RIPOR3: variants seen among roughly 807,000 people sequenced by gnomAD.
The protein encoded by RIPOR3 is RIPOR family member 3, also known as family with sequence similarity 65 member C.
RIPOR3 carries 95 observed loss-of-function variants against 114.3 expected under a neutral mutation model. That is an observed-to-expected ratio of 0.83 (90% CI 0.70 to 0.99). The LOEUF (loss-of-function observed/expected upper bound fraction) is 0.99. RIPOR3 is among the 50% of genes least tolerant of loss of function. RIPOR3 has a pLI of 0.00. For synonymous variants in RIPOR3, 575 were observed against 543.8 expected (o/e 1.06, Z -0.80); for missense variants, 1,252 against 1,266.9 (o/e 0.99, Z 0.18).
intron 19 of RIPOR3, chr20:50,590,097 A>G (rs2083062206): frequency 6.7e-6 from 2 of 300,484 alleles, no homozygotes. Flanking sequence ...GCTCAGAACA[A>G]CAGAAGAACT....
At chr20:50,670,533 C>T (rs989970541) in intron 1 of RIPOR3, among the ~76,000 whole-genome samples, 17 of 152,136 alleles carry the variant, frequency 1.1e-4, no homozygotes, top group African/African-American at 4.1e-4. Context: ...AATATCAGAT[C>T]CATTGCAGGA....
chr20:50,685,017 C>A (rs539586779), intron 1 of RIPOR3, among the ~76,000 whole-genome samples: 1 of 152,046 alleles, frequency 6.6e-6, no homozygotes, highest in Non-Finnish European at 1.5e-5. Context: ...TGGTCTCAAG[C>A]GATCCTCCTG....
At chr20:50,690,477 G>A (rs755933639) in intron 1 of RIPOR3, among the ~76,000 whole-genome samples, 2 of 152,142 alleles carry the variant, frequency 1.3e-5, no homozygotes, top group Non-Finnish European at 2.9e-5. Flanking sequence ...GCTTGCCAGT[G>A]TCAGCCTGTC....
At chr20:50,604,861 C>T in intron 11 of RIPOR3, 87 bp from the exon 12 acceptor site, 4 of 1,503,854 alleles carry the variant, frequency 2.7e-6, no homozygotes, top group Non-Finnish European at 3.6e-6. Context: ...TTAGGTTATG[C>T]AGGTAGATGG....
chr20:50,667,326 C>G (rs2123498359), intron 1 of RIPOR3, among the ~76,000 whole-genome samples: 1 of 133,112 alleles, frequency 7.5e-6, no homozygotes, highest in African/African-American at 2.9e-5. Flanking sequence ...GGGAGTCTCG[C>G]TCTGTTACCC....
intron 2 of RIPOR3, among the ~76,000 whole-genome samples, chr20:50,627,237 A>C (rs2084652335): frequency 6.6e-6 from 1 of 151,752 alleles, no homozygotes; most frequent in Admixed American, 6.6e-5. Flanking sequence ...ACAGTGGCTC[A>C]CACCTGTAAT....
chr20:50,643,142 A>T (rs1366155592), intron 1 of RIPOR3, among the ~76,000 whole-genome samples: 11 of 121,478 alleles, frequency 9.1e-5, no homozygotes, highest in Admixed American at 2.5e-4. Context: ...TTTTTTTTTG[A>T]GATGGAGTCT....
At chr20:50,614,161 G>A (rs536903450) in intron 4 of RIPOR3, among the ~76,000 whole-genome samples, 366 of 152,044 alleles carry the variant, frequency 2.4e-3, no homozygotes, top group African/African-American at 8.3e-3. Flanking sequence ...TCAGCCTCCC[G>A]AGTAGCTGGG....
At chr20:50,667,369 C>CTG (rs1397410969) in intron 1 of RIPOR3, among the ~76,000 whole-genome samples, 1 of 141,870 alleles carries the variant, frequency 7.0e-6, no homozygotes, top group Non-Finnish European at 1.5e-5. Flanking sequence ...TCTTGGCTCA[C>CTG]TGCAACCTCC....
At chr20:50,665,574 C>T (rs532815511) in intron 1 of RIPOR3, among the ~76,000 whole-genome samples, 14 of 151,984 alleles carry the variant, frequency 9.2e-5, no homozygotes, top group Non-Finnish European at 1.6e-4. Flanking sequence ...GCACGCACCA[C>T]GACACTGGGC....
chr20:50,671,195 G>T (rs1192808806), intron 1 of RIPOR3, among the ~76,000 whole-genome samples: 1 of 151,998 alleles, frequency 6.6e-6, no homozygotes, highest in African/African-American at 2.4e-5. Flanking sequence ...CACCATGTTG[G>T]CCAGGCTGAT....
chr20:50,630,092 C>T (rs1463876388), intron 2 of RIPOR3, among the ~76,000 whole-genome samples: 1 of 152,088 alleles, frequency 6.6e-6, no homozygotes, highest in Admixed American at 6.6e-5. Context: ...CTCAGCTTTC[C>T]AAGTAGCTGG....
At chr20:50,651,453 T>G (rs1410954317) in intron 1 of RIPOR3, among the ~76,000 whole-genome samples, 1 of 152,166 alleles carries the variant, frequency 6.6e-6, no homozygotes, top group African/African-American at 2.4e-5. Flanking sequence ...CTGGGATCAT[T>G]TGTTACACAG....
intron 6 of RIPOR3, among the ~76,000 whole-genome samples, chr20:50,610,357 G>A (rs1257970197): frequency 6.6e-6 from 1 of 152,110 alleles, no homozygotes; most frequent in Non-Finnish European, 1.5e-5. Context: ...CCTCTGCCTG[G>A]TTTTTCAACA....
At position 50,592,456 on chromosome 20, in the gene RIPOR3, G is replaced by T. The variant is rs1413666615; in HGVS notation, c.2465C>A (p.Pro822His). The T allele has an allele frequency of 6.2e-7, 1 of 1,612,336 alleles. No homozygotes were observed. The change falls in exon 19 of 22, where the codon CCC becomes CAC. Residue 822 changes from proline (P) to histidine (H), a missense_variant. Physicochemically the swap from Pro to His is moderately conservative, Grantham distance 77. Coordinates refer to ENST00000327979, the MANE Select transcript of RIPOR3 (RefSeq NM_001290268.2). The part of the protein sequence containing the change: ...GKRLGQLQPL[P>H]QTLRAWALLQ... ...CAGCGCCCAGGCTCTTAAGGTCTGG[G>T]GCAGAGGCTGGAGCTGGCCCAGCCG...
At chr20:50,681,696 C>CTCACCACACCGT (rs1293547325) in intron 1 of RIPOR3, among the ~76,000 whole-genome samples, 1 of 152,206 alleles carries the variant, frequency 6.6e-6, no homozygotes, top group African/African-American at 2.4e-5. Context: ...TCGCCCCTTC[C>CTCACCACACCGT]TCACCACACC....
intron 2 of RIPOR3, among the ~76,000 whole-genome samples, chr20:50,621,734 T>C (rs1383073408): frequency 6.6e-6 from 1 of 152,210 alleles, no homozygotes; most frequent in Non-Finnish European, 1.5e-5. Context: ...AGTGAGTTCC[T>C]GGATCTAGCT....
At chr20:50,638,310 G>A (rs2085061571) in intron 1 of RIPOR3, among the ~76,000 whole-genome samples, 1 of 152,224 alleles carries the variant, frequency 6.6e-6, no homozygotes, top group Admixed American at 6.5e-5. Flanking sequence ...CAGGCAAAGG[G>A]ACGCCTCCTG....
At chr20:50,666,528 A>C (rs2086254254) in intron 1 of RIPOR3, among the ~76,000 whole-genome samples, 1 of 150,768 alleles carries the variant, frequency 6.6e-6, no homozygotes, top group Non-Finnish European at 1.5e-5. Flanking sequence ...CCAGCCTAGG[A>C]CACCCATTTC....
Sources: gnomAD v4.1 joint callset for allele counts (sites outside exome capture counted in the v4.1 genomes callset) on GRCh38, gnomAD v4.1.1 for gene constraint, MANE v1.5 for transcripts, NCBI Gene and HGNC (gene_info 2026-07-23, HGNC 2026-07-21) for gene names.